Variants in PRKCB observed in about 807,000 individuals in gnomAD.
PRKCB encodes protein kinase C beta type.
In PRKCB, 13 loss-of-function variants were observed where a neutral mutation model predicts 81.5. The observed-to-expected ratio is 0.16, with a 90% CI of 0.10 to 0.25. The LOEUF (loss-of-function observed/expected upper bound fraction) is 0.25. Among genes scored for constraint, PRKCB ranks in the 10% least tolerant of loss-of-function variants. The probability of loss-of-function intolerance (pLI) is 1.00; values close to 1 mark genes in which losing one functional copy is unlikely to be tolerated. For synonymous variants in PRKCB, 335 were observed against 321.4 expected, an observed-to-expected ratio of 1.04 and a Z score of -0.45; for missense variants, 509 against 875.7, an observed-to-expected ratio of 0.58 and a Z score of 5.29.
At chr16:23,857,342 T>G (rs1177031933) in intron 2 of PRKCB, among the ~76,000 whole-genome samples, 1 of 152,128 alleles carries the variant, frequency 6.6e-6, no homozygotes, top group Non-Finnish European at 1.5e-5. Context: ...AAGTGTTTTA[T>G]GAGCAGAATC....
At chr16:23,893,081 T>C (rs781483479) in intron 2 of PRKCB, 1 of 152,162 alleles carries the variant, frequency 6.6e-6, no homozygotes, top group African/African-American at 2.4e-5. Context: ...GAGACCCTGC[T>C]GAGATCTTTG....
chr16:23,840,709 T>A (rs1365613116), intron 2 of PRKCB, among the ~76,000 whole-genome samples: 1 of 152,188 alleles, frequency 6.6e-6, no homozygotes, highest in Non-Finnish European at 1.5e-5. Context: ...ACCTTCAGGC[T>A]CTATTACATT....
At chr16:24,127,361 A>G (rs769411252) in intron 9 of PRKCB, among the ~76,000 whole-genome samples, 3 of 152,140 alleles carry the variant, frequency 2.0e-5, no homozygotes, top group Non-Finnish European at 2.9e-5. Context: ...ATTATATTAA[A>G]AGGATAAACA....
At chr16:23,968,193 T>G (rs1408514926) in intron 2 of PRKCB, among the ~76,000 whole-genome samples, 2 of 152,178 alleles carry the variant, frequency 1.3e-5, no homozygotes, top group African/African-American at 4.8e-5. Flanking sequence ...CTATCTGCCC[T>G]TTACTGACTT....
intron 3 of PRKCB, among the ~76,000 whole-genome samples, chr16:24,003,085 CCTT>C (rs1370068620): frequency 6.6e-6 from 1 of 152,154 alleles, no homozygotes. Context: ...GTAATTCTCT[CCTT>C]CTGGGTTCCA....
At chr16:24,017,523 C>T (rs1455196114) in intron 3 of PRKCB, among the ~76,000 whole-genome samples, 1 of 152,096 alleles carries the variant, frequency 6.6e-6, no homozygotes, top group African/African-American at 2.4e-5. Flanking sequence ...CACACAGACA[C>T]GCACATGCGT....
At chr16:23,980,181 G>A (rs13380552) in intron 2 of PRKCB, among the ~76,000 whole-genome samples, 3,065 of 152,334 alleles carry the variant, frequency 0.02, 95 homozygotes, top group African/African-American at 0.069. Flanking sequence ...AAACTCAATA[G>A]CATGACCCTG....
In PRKCB at chr16:24,219,631, T is replaced by A; in HGVS notation, c.*4815T>A. The A allele has an allele frequency of 9.4e-7, 1 of 1,063,202 alleles. No homozygotes were observed. The highest frequency in any genetic ancestry group is 1.1e-6 in the Non-Finnish European group (1 of 882,458). The allele number at this position is 1,063,202 out of a possible 1,614,324, so 65.9% of individuals were successfully genotyped here. Reference sequence around the variant, plus strand: ...AATAAGTAGCTTCCAATTCAATTCATCCTAAAGCCAAAGAAAATACAGCAA... The same window carrying A: ...AATAAGTAGCTTCCAATTCAATTCAACCTAAAGCCAAAGAAAATACAGCAA... On this transcript the variant is annotated 3_prime_UTR_variant, in exon 17 of 17. Transcript: ENST00000643927.
At chr16:24,076,088 A>C (rs1392283387) in intron 5 of PRKCB, among the ~76,000 whole-genome samples, 1 of 152,204 alleles carries the variant, frequency 6.6e-6, no homozygotes, top group Non-Finnish European at 1.5e-5. Flanking sequence ...TTAGGAGATC[A>C]TGCATTTCTA....
intron 9 of PRKCB, among the ~76,000 whole-genome samples, chr16:24,145,346 G>T (rs531664322): frequency 2.6e-5 from 4 of 152,318 alleles, no homozygotes; most frequent in South Asian, 2.1e-4. Context: ...GGGAGGCCAA[G>T]GTAGGAGGAT....
intron 13 of PRKCB, 55 bp downstream of exon 13, chr16:24,180,983 G>T: frequency 1.3e-6 from 2 of 1,593,530 alleles, no homozygotes; most frequent in Non-Finnish European, 1.7e-6. Flanking sequence ...CTGCTCCCCA[G>T]ATGGCTGTGT....
At chr16:23,861,318 C>G (rs8061918) in intron 2 of PRKCB, among the ~76,000 whole-genome samples, 114,087 of 151,970 alleles carry the variant, frequency 0.75, 43,198 homozygotes, top group East Asian at 0.95. Flanking sequence ...ACAGGCATGT[C>G]CCACCATTCC....
chr16:24,139,104 A>G (rs1966877745), intron 9 of PRKCB, among the ~76,000 whole-genome samples: 3 of 152,082 alleles, frequency 2.0e-5, no homozygotes, highest in Admixed American at 2.0e-4. Flanking sequence ...CACCTGTCTC[A>G]GCCTCCCCAA....
At chr16:24,143,534 G>A (rs758856332) in intron 9 of PRKCB, among the ~76,000 whole-genome samples, 1 of 152,118 alleles carries the variant, frequency 6.6e-6, no homozygotes. Context: ...TAGCAGGGAT[G>A]GGAGAGGGAG....
chr16:24,177,335 C>T (rs930457420), intron 12 of PRKCB, among the ~76,000 whole-genome samples: 2 of 152,126 alleles, frequency 1.3e-5, no homozygotes, highest in African/African-American at 4.8e-5. Flanking sequence ...ATTCCAAAGC[C>T]CCTTTTCCTA....
chr16:23,928,586 G>A (rs2141753465), intron 2 of PRKCB, among the ~76,000 whole-genome samples: 1 of 152,240 alleles, frequency 6.6e-6, no homozygotes, highest in South Asian at 2.1e-4. Flanking sequence ...AAGTGACTGA[G>A]CTAGGAGCTG....
intron 2 of PRKCB, among the ~76,000 whole-genome samples, chr16:23,987,234 A>G (rs1231700607): frequency 1.3e-5 from 2 of 152,222 alleles, no homozygotes; most frequent in African/African-American, 2.4e-5. Flanking sequence ...CCCAGAATTT[A>G]AAGTAAAATT....
intron 9 of PRKCB, among the ~76,000 whole-genome samples, chr16:24,152,833 A>C (rs531322901): frequency 4.3e-4 from 65 of 149,462 alleles, no homozygotes; most frequent in Non-Finnish European, 7.8e-4. Flanking sequence ...GGAGCCACTC[A>C]GACTGGCAGC....
intron 3 of PRKCB, among the ~76,000 whole-genome samples, chr16:24,008,006 C>CAAA (rs10695120): frequency 4.0e-3 from 580 of 143,972 alleles, no homozygotes; most frequent in Middle Eastern, 7.1e-3. Context: ...TATTCTTTTT[C>CAAA]AAAAAAAAAA....
Sources: gnomAD v4.1 joint callset for allele counts (sites outside exome capture counted in the v4.1 genomes callset) on GRCh38, gnomAD v4.1.1 for gene constraint, MANE v1.5 for transcripts, NCBI Gene and HGNC (gene_info 2026-07-23, HGNC 2026-07-21) for gene names.